The following SMCO4 variants were observed in gnomAD, a reference collection of about 807,000 sequenced individuals.
The protein encoded by SMCO4 is single-pass membrane protein with coiled-coil domains 4.
In SMCO4, 4 loss-of-function variants were observed where a neutral mutation model predicts 3.6. That is an observed-to-expected ratio of 1.11 (90% CI 0.54 to 2.53). The LOEUF (loss-of-function observed/expected upper bound fraction) is 2.53. Among genes scored for constraint, SMCO4 ranks in the 30% most tolerant of loss-of-function variants. SMCO4 has a pLI of 0.02. For synonymous variants in SMCO4, 36 were observed against 35.3 expected (o/e 1.02, Z -0.07); for missense variants, 70 against 80.8 (o/e 0.87, Z 0.51).
At chr11:93,498,708 G>T (rs190892847) in intron 2 of SMCO4, among the ~76,000 whole-genome samples, 204 of 152,364 alleles carry the variant, frequency 1.3e-3, no homozygotes, top group Non-Finnish European at 2.3e-3. Context: ...AATGCTCAAA[G>T]ATCATAATGT....
intron 2 of SMCO4, among the ~76,000 whole-genome samples, chr11:93,493,216 G>A (rs1386650391): frequency 6.6e-6 from 1 of 152,158 alleles, no homozygotes; most frequent in Non-Finnish European, 1.5e-5. Context: ...TGGTCCAACT[G>A]CAGACTGCAC....
rs978908183 is a variant in SMCO4, at chr11:93,535,730, G to T, written c.-154+7546C>A. The T allele has an allele frequency of 7.4e-6, 12 of 1,613,634 alleles. No individual in the cohort carries two copies. In the African/African-American group the frequency reaches 1.6e-4, roughly 22 times the overall value. On this transcript the variant is annotated intron_variant, in intron 1 of 2. Coordinates refer to ENST00000298966, the MANE Select transcript of SMCO4 (RefSeq NM_020179.3). ...CAGATGGCTTATTCAAACCTCCTGA[G>T]AGCTAACATGGATGGGCTGAAGAAG... is the stretch of plus-strand genomic sequence containing the variant.
intron 1 of SMCO4, among the ~76,000 whole-genome samples, chr11:93,500,890 T>C (rs1948830227): frequency 6.6e-6 from 1 of 152,214 alleles, no homozygotes; most frequent in South Asian, 2.1e-4. Flanking sequence ...CAGTTTGCCC[T>C]AGTTTCTAGG....
chr11:93,497,196 G>A (rs539836685), intron 2 of SMCO4, among the ~76,000 whole-genome samples: 1 of 152,270 alleles, frequency 6.6e-6, no homozygotes, highest in Admixed American at 6.5e-5. Flanking sequence ...TAAAAGTTGA[G>A]CAATTTTTTA....
chr11:93,550,552 G>A, the SMCO4 span, among the ~76,000 whole-genome samples: 1 of 152,134 alleles, frequency 6.6e-6, no homozygotes, highest in Non-Finnish European at 1.5e-5. Context: ...GCACACCCTG[G>A]TAGTCCCAGC....
At chr11:93,542,797 T>C (rs1242671048) in intron 1 of SMCO4, among the ~76,000 whole-genome samples, 2 of 151,306 alleles carry the variant, frequency 1.3e-5, no homozygotes, top group Non-Finnish European at 2.9e-5. Flanking sequence ...CGCCGGACTC[T>C]TGTCCACTCC....
chr11:93,528,985 G>C (rs917903493), intron 1 of SMCO4, among the ~76,000 whole-genome samples: 1 of 152,140 alleles, frequency 6.6e-6, no homozygotes, highest in African/African-American at 2.4e-5. Context: ...CCTGGGCATA[G>C]GACAAGGAGG....
chr11:93,527,729 G>T (rs1304783186), intron 1 of SMCO4, among the ~76,000 whole-genome samples: 2 of 152,148 alleles, frequency 1.3e-5, no homozygotes, highest in Non-Finnish European at 2.9e-5. Context: ...CCAAAGGGCT[G>T]GGATTATAGG....
At chr11:93,530,066 G>A (rs369339322) in intron 1 of SMCO4, among the ~76,000 whole-genome samples, 7 of 152,340 alleles carry the variant, frequency 4.6e-5, no homozygotes, top group African/African-American at 1.4e-4. Flanking sequence ...TCTTTTCACA[G>A]CATAGTGATT....
Position 93,479,279 on chromosome 11 carries a change from G to T in SMCO4, c.-80-10C>A. 1 of 1,507,336 alleles carries T rather than the reference G, an allele frequency of 6.6e-7. No individual in the cohort carries two copies. The highest frequency in any genetic ancestry group is 1.4e-5 in the South Asian group (1 of 73,204). The allele number at this position is 1,507,336 out of a possible 1,614,324, so 93.4% of individuals were successfully genotyped here. On this transcript the variant is annotated splice_polypyrimidine_tract_variant and intron_variant, in intron 2 of 2. Transcript: ENST00000298966. Reference sequence around the variant, plus strand: ...CCAAGGCTGGAACCTCCTGTAGAGAGAACAACTGTGATAGTAGAGAATAAA... The same window carrying T: ...CCAAGGCTGGAACCTCCTGTAGAGATAACAACTGTGATAGTAGAGAATAAA...
chr11:93,534,668 G>A (rs1055281484), intron 1 of SMCO4, among the ~76,000 whole-genome samples: 11 of 152,102 alleles, frequency 7.2e-5, no homozygotes, highest in African/African-American at 2.7e-4. Flanking sequence ...ATCTCCCAAG[G>A]GTTCCCCCTC....
intron 1 of SMCO4, among the ~76,000 whole-genome samples, chr11:93,516,215 G>A (rs1328515209): frequency 6.6e-6 from 1 of 152,168 alleles, no homozygotes; most frequent in East Asian, 1.9e-4. Flanking sequence ...ATGCTTGGCA[G>A]GTCCCGGTAA....
intron 1 of SMCO4, among the ~76,000 whole-genome samples, chr11:93,514,413 T>TACAC (rs56700138): frequency 0.032 from 1,081 of 33,894 alleles, 70 homozygotes; most frequent in African/African-American, 0.061. Flanking sequence ...TATATATATA[T>TACAC]ATATATATAA....
At position 93,502,880 on chromosome 11, in the gene SMCO4, C is replaced by T. The variant is rs145743128; in HGVS notation, c.-153-3532G>A. Reference sequence around the variant, plus strand: ...ATAAAAATCACAAATACAATACTAACAGCTACTCCTTACACAGGCCAGCCA... The same window carrying T: ...ATAAAAATCACAAATACAATACTAATAGCTACTCCTTACACAGGCCAGCCA... On this transcript the variant is annotated intron_variant, in intron 1 of 2. Transcript: ENST00000298966. 3.4e-3 allele frequency among the ~76,000 whole-genome samples: 523 copies of T among 152,326 alleles called. 15 individuals are homozygous for T. In the East Asian group the frequency reaches 0.072, roughly 21 times the overall value.
At chr11:93,535,611 C>T (rs759920221) in intron 1 of SMCO4, 2 of 1,565,730 alleles carry the variant, frequency 1.3e-6, no homozygotes, top group Non-Finnish European at 1.8e-6. Context: ...CTGTGGAGGG[C>T]TTTGAGCCTG....
chr11:93,483,636 G>A (rs111556307), intron 2 of SMCO4, among the ~76,000 whole-genome samples: 79 of 152,276 alleles, frequency 5.2e-4, no homozygotes, highest in African/African-American at 1.7e-3. Context: ...AGGGTACTCC[G>A]ACGTGTCTCT....
At chr11:93,481,303 A>G (rs761536189) in intron 2 of SMCO4, 25 of 289,428 alleles carry the variant, frequency 8.6e-5, no homozygotes, top group Non-Finnish European at 1.2e-4. Flanking sequence ...ATCTGTACCC[A>G]GAGCTCTGCC....
intron 1 of SMCO4, among the ~76,000 whole-genome samples, chr11:93,501,337 A>G (rs1948836277): frequency 6.6e-6 from 1 of 152,244 alleles, no homozygotes. Context: ...AGGCTGCCAT[A>G]ATTATCACTG....
chr11:93,511,063 C>T (rs569937674), intron 1 of SMCO4, among the ~76,000 whole-genome samples: 4 of 152,196 alleles, frequency 2.6e-5, no homozygotes, highest in Non-Finnish European at 5.9e-5. Flanking sequence ...TATACCACTG[C>T]ACTCCAGCCT....
Sources: gnomAD v4.1 joint callset for allele counts (sites outside exome capture counted in the v4.1 genomes callset) on GRCh38, gnomAD v4.1.1 for gene constraint, MANE v1.5 for transcripts, NCBI Gene and HGNC (gene_info 2026-07-23, HGNC 2026-07-21) for gene names.